Variants in KCNMA1 observed in about 807,000 individuals in gnomAD.
The protein encoded by KCNMA1 is Calcium-activated potassium channel subunit alpha-1.
In KCNMA1, 29 loss-of-function variants were observed where a neutral mutation model predicts 140.0. The observed-to-expected ratio is 0.21, with a 90% CI of 0.15 to 0.28. KCNMA1 has a LOEUF of 0.28. Ranked by LOEUF, KCNMA1 falls within the 10% of genes least tolerant of loss-of-function variation. The pLI is 1.00. For missense variants in KCNMA1, 880 were observed against 1,602.2 expected (o/e 0.55, Z 7.70); for synonymous variants, 612 against 611.9 (o/e 1.00, Z 0.00).
At chr10:77,225,066 G>C (rs1219692330) in intron 3 of KCNMA1, among the ~76,000 whole-genome samples, 3 of 152,158 alleles carry the variant, frequency 2.0e-5, no homozygotes, top group Admixed American at 2.0e-4. Context: ...ATGAGTGAAT[G>C]AATAAAGCGA....
chr10:77,456,365 T>C (rs2097762690), intron 1 of KCNMA1, among the ~76,000 whole-genome samples: 2 of 152,046 alleles, frequency 1.3e-5, no homozygotes, highest in Non-Finnish European at 2.9e-5. Context: ...ACCTTTCCCA[T>C]CAAAAGTAGC....
At chr10:77,600,143 T>G (rs576705552) in intron 1 of KCNMA1, among the ~76,000 whole-genome samples, 66 of 152,300 alleles carry the variant, frequency 4.3e-4, no homozygotes, top group African/African-American at 1.5e-3. Flanking sequence ...ATGCTAAGAT[T>G]CACATGAAGC....
intron 2 of KCNMA1, among the ~76,000 whole-genome samples, chr10:77,262,674 T>C (rs2154268153): frequency 6.6e-6 from 1 of 152,096 alleles, no homozygotes; most frequent in Middle Eastern, 3.4e-3. Context: ...CTGGGACCTC[T>C]GCACTTCTTT....
At chr10:77,177,994 C>CA (rs577754651) in intron 5 of KCNMA1, among the ~76,000 whole-genome samples, 12 of 152,028 alleles carry the variant, frequency 7.9e-5, no homozygotes, top group African/African-American at 1.9e-4. Flanking sequence ...CCTTCTGACA[C>CA]AAAAAAAGGA....
chr10:76,983,324 C>T (rs547525714), intron 19 of KCNMA1, among the ~76,000 whole-genome samples: 1 of 152,186 alleles, frequency 6.6e-6, no homozygotes, highest in Non-Finnish European at 1.5e-5. Context: ...CAACTTGCAG[C>T]CCTTAGCGCA....
chr10:77,436,432 C>T (rs895853495), intron 1 of KCNMA1, among the ~76,000 whole-genome samples: 2 of 149,084 alleles, frequency 1.3e-5, no homozygotes, highest in Admixed American at 6.7e-5. Context: ...TAACAGATTA[C>T]TAACCATTTG....
At chr10:77,493,515 C>T (rs1032797207) in intron 1 of KCNMA1, among the ~76,000 whole-genome samples, 6 of 152,210 alleles carry the variant, frequency 3.9e-5, no homozygotes, top group Admixed American at 1.3e-4. Context: ...CCCAACTGAG[C>T]GAGTGCGTGT....
At chr10:77,630,793 C>T (rs1255307682) in intron 1 of KCNMA1, among the ~76,000 whole-genome samples, 1 of 151,976 alleles carries the variant, frequency 6.6e-6, no homozygotes, top group Non-Finnish European at 1.5e-5. Flanking sequence ...TAACAGCTCT[C>T]GGTGATTCCT....
intron 3 of KCNMA1, among the ~76,000 whole-genome samples, chr10:77,192,991 A>T (rs2039099874): frequency 6.6e-6 from 1 of 152,196 alleles, no homozygotes; most frequent in Non-Finnish European, 1.5e-5. Context: ...TTGACAGAGA[A>T]AGCCATAAGT....
At chr10:76,999,579 C>G (rs565865543) in intron 19 of KCNMA1, among the ~76,000 whole-genome samples, 3 of 152,304 alleles carry the variant, frequency 2.0e-5, no homozygotes, top group Admixed American at 2.0e-4. Context: ...CGTAGACAGA[C>G]AAGTTCTCTG....
chr10:77,305,770 G>A (rs781615483), intron 2 of KCNMA1, among the ~76,000 whole-genome samples: 25 of 152,282 alleles, frequency 1.6e-4, no homozygotes, highest in Non-Finnish European at 3.1e-4. Context: ...CTAGAACCAC[G>A]TGTCTGACAC....
In KCNMA1 at chr10:76,905,780, C is replaced by T. The variant is rs187870190; in HGVS notation, c.3147+4186G>A. 2.3e-3 allele frequency among the ~76,000 whole-genome samples: 344 copies of T among 152,290 alleles called. 1 individual carries two copies. The highest frequency in any genetic ancestry group is 3.4e-3 in the Middle Eastern group (1 of 294). The stretch of plus-strand genomic sequence containing the variant: ...TGACACTATTCATTTATTCACTTAC[C>T]TATTTACTCTTAACCCACTAGAATG... On this transcript the variant is annotated intron_variant, in intron 25 of 27. Coordinates refer to ENST00000286628, the MANE Select transcript of KCNMA1 (RefSeq NM_001161352.2).
intron 1 of KCNMA1, among the ~76,000 whole-genome samples, chr10:77,502,029 C>T (rs2044100061): frequency 6.6e-6 from 1 of 152,184 alleles, no homozygotes; most frequent in Admixed American, 6.5e-5. Context: ...GTGTATCCCC[C>T]TCCTCTGCCA....
At chr10:77,378,966 C>G (rs774318703) in intron 2 of KCNMA1, among the ~76,000 whole-genome samples, 3 of 152,204 alleles carry the variant, frequency 2.0e-5, no homozygotes, top group Non-Finnish European at 4.4e-5. Context: ...CCTACATGTA[C>G]GCTCATTTTC....
intron 2 of KCNMA1, among the ~76,000 whole-genome samples, chr10:77,357,368 A>C (rs536729635): frequency 6.6e-6 from 1 of 152,342 alleles, no homozygotes; most frequent in South Asian, 2.1e-4. Context: ...TTCTGGTAGC[A>C]TCCTCTGGTA....
chr10:76,886,735 G>A lies in KCNMA1; in HGVS notation c.*531C>T, dbSNP rs748726029. The A allele has an allele frequency of 4.6e-5, 46 of 1,005,196 alleles. No individual in the cohort carries two copies. The highest frequency in any genetic ancestry group is 5.1e-5 in the Non-Finnish European group (43 of 841,184). The allele number at this position is 1,005,196 out of a possible 1,614,324, so 62.3% of individuals were successfully genotyped here. On this transcript the variant is annotated 3_prime_UTR_variant, in exon 28 of 28. Transcript: ENST00000286628. ...CTTTTCAAATGCTTCGCAATACTTC[G>A]GCCCAGAGACTGGAAACAATCAATA... is the stretch of plus-strand genomic sequence containing the variant.
chr10:76,961,820 T>C (rs1203667080), intron 20 of KCNMA1, among the ~76,000 whole-genome samples: 1 of 152,238 alleles, frequency 6.6e-6, no homozygotes, highest in Non-Finnish European at 1.5e-5. Flanking sequence ...AATGAAGGTA[T>C]GTACACACTT....
intron 3 of KCNMA1, among the ~76,000 whole-genome samples, chr10:77,248,457 C>A (rs924036284): frequency 6.6e-6 from 1 of 152,160 alleles, no homozygotes; most frequent in African/African-American, 2.4e-5. Flanking sequence ...TATAGACTGT[C>A]CCCTGATTCA....
rs867508914 is a variant in KCNMA1 at position 77,350,314 on chromosome 10, A to G, written c.540+53548T>C. 2.0e-5 allele frequency: 3 copies of G among 152,296 alleles called. No individual in the cohort carries two copies. The South Asian group carries it at 6.2e-4, about 31-fold the overall frequency. The allele number at this position is 152,296 out of a possible 1,614,324, so 9.4% of individuals were successfully genotyped here. On this transcript the variant is annotated intron_variant, in intron 2 of 27. Transcript: ENST00000286628. ...ATTTCTTGTGCAAGAATCAAATGCA[A>G]CTGCTGACACTTACAGTTTTATCAC...
Sources: gnomAD v4.1 joint callset for allele counts (sites outside exome capture counted in the v4.1 genomes callset) on GRCh38, gnomAD v4.1.1 for gene constraint, MANE v1.5 for transcripts, NCBI Gene and HGNC (gene_info 2026-07-23, HGNC 2026-07-21) for gene names.